The following AJAP1 variants were observed in gnomAD, a reference collection of about 807,000 sequenced individuals.
AJAP1 encodes the protein adherens junction-associated protein 1.
Under a neutral mutation model 35.0 loss-of-function variants are expected in AJAP1, and 5 were observed. That is an observed-to-expected ratio of 0.14 (90% CI 0.07 to 0.30). AJAP1 has a LOEUF of 0.30. Ranked by LOEUF, AJAP1 falls within the 10% of genes least tolerant of loss-of-function variation. The pLI, the probability that AJAP1 is intolerant of heterozygous loss-of-function variation, is 1.00. For synonymous variants in AJAP1, 284 were observed against 249.3 expected (o/e 1.14, Z -1.31); for missense variants, 586 against 571.0 (o/e 1.03, Z -0.27).
chr1:4,787,950 A>T lies in AJAP1; in HGVS notation c.*5465A>T, dbSNP rs1642195128. On this transcript the variant is annotated 3_prime_UTR_variant, in exon 6 of 6. Transcript: ENST00000378191. ...CATGCCGTGATTCATGTAATTTTTGAGTGGTTACTTTGGTGCAGTTTGTCA... is the reference window on the plus strand; with the variant it reads ...CATGCCGTGATTCATGTAATTTTTGTGTGGTTACTTTGGTGCAGTTTGTCA... 1 of 331,986 alleles carries T rather than the reference A, an allele frequency of 3.0e-6. No homozygotes were observed. The highest frequency in any genetic ancestry group is 2.3e-5 in the South Asian group (1 of 44,396). 20.6% of individuals were successfully genotyped at this position (331,986 alleles called of 1,614,324 possible).
At chr1:4,735,494 C>T (rs1025263194) in intron 2 of AJAP1, among the ~76,000 whole-genome samples, 6 of 152,160 alleles carry the variant, frequency 3.9e-5, no homozygotes, top group South Asian at 2.1e-4. Context: ...CCCACTGCAC[C>T]GGGTGGGCAG....
intron 1 of AJAP1, among the ~76,000 whole-genome samples, chr1:4,701,566 G>T (rs1333977021): frequency 6.6e-6 from 1 of 152,182 alleles, no homozygotes; most frequent in East Asian, 1.9e-4. Flanking sequence ...CGGCCCTCTG[G>T]TCTTTTGTGG....
chr1:4,771,353 A>G (rs1040714789), intron 3 of AJAP1, among the ~76,000 whole-genome samples: 3 of 152,216 alleles, frequency 2.0e-5, no homozygotes, highest in African/African-American at 7.2e-5. Flanking sequence ...AACGCAGGAA[A>G]TAGCCAAGAC....
intron 2 of AJAP1, among the ~76,000 whole-genome samples, chr1:4,727,427 G>A (rs1170266350): frequency 6.6e-6 from 1 of 152,228 alleles, no homozygotes; most frequent in Non-Finnish European, 1.5e-5. Flanking sequence ...GGCGTTGACT[G>A]CACAGGCACG....
intron 2 of AJAP1, among the ~76,000 whole-genome samples, chr1:4,749,378 C>T (rs72638900): frequency 0.082 from 12,468 of 152,254 alleles, 548 homozygotes; most frequent in Middle Eastern, 0.12. Flanking sequence ...ATCAAGACAG[C>T]GTTCCTTCCA....
In AJAP1 at chr1:4,712,083, A is replaced by C. The variant is rs1340498512; in HGVS notation, c.213A>C (p.Pro71=). The change falls in exon 2 of 6, where the codon CCA becomes CCC. Residue 71 remains proline, a synonymous_variant. Transcript: ENST00000378191. ...TGTGGAGTTTTAGGAGTGGACAGCC[A>C]GCGCGGGTCCCGGCCCCGGTGTGGA... ...PRLWSFRSGQ[P]ARVPAPVWSP... is the part of the protein sequence containing the mutation. The C allele has an allele frequency of 5.7e-6, 9 of 1,567,764 alleles. No homozygotes were observed. The highest frequency in any genetic ancestry group is 1.4e-5 in the African/African-American group (1 of 71,824).
At chr1:4,708,422 A>C (rs1404292649) in intron 1 of AJAP1, among the ~76,000 whole-genome samples, 1 of 152,068 alleles carries the variant, frequency 6.6e-6, no homozygotes, top group Non-Finnish European at 1.5e-5. Context: ...GTCGCCTGCC[A>C]TCTTGGTGCA....
chr1:4,711,934 G>A lies in AJAP1; in HGVS notation c.64G>A (p.Gly22Arg), dbSNP rs747676999. 3.3e-6 allele frequency: 5 copies of A among 1,535,128 alleles called. No homozygotes were observed. The South Asian group carries it at 3.8e-5, about 12-fold the overall frequency. ...CATCCGCTGGCCGGGCCGCCCCCTC[G>A]GAAGCCATGCCTGGATACTGATAGC... The part of the protein sequence containing the change: ...MSIRWPGRPL[G>R]SHAWILIAMF... Residue 22 changes from glycine to arginine, a missense_variant, in exon 2 of 6, where the codon GGA becomes AGA. Coordinates refer to ENST00000378191, the MANE Select transcript of AJAP1 (RefSeq NM_018836.4).
intron 1 of AJAP1, among the ~76,000 whole-genome samples, chr1:4,664,060 A>C (rs1639062662): frequency 6.6e-6 from 1 of 152,098 alleles, no homozygotes; most frequent in Non-Finnish European, 1.5e-5. Context: ...ATCTTAACTC[A>C]TTCCTACATT....
In AJAP1 at chr1:4,723,367, G is replaced by A. The variant is rs915492371; in HGVS notation, c.829+10668G>A. Among the ~76,000 whole-genome samples, 5 of 152,190 alleles carry A rather than the reference G, an allele frequency of 3.3e-5. No individual in the cohort carries two copies. The highest frequency in any genetic ancestry group is 1.9e-4 in the East Asian group (1 of 5,192). ...GTGCAGCCCGGAGTAGAAGCTCAGCGGAGCCTCGGGTGTGTGGAAGGTCTG... is the reference window on the plus strand; with the variant it reads ...GTGCAGCCCGGAGTAGAAGCTCAGCAGAGCCTCGGGTGTGTGGAAGGTCTG... On this transcript the variant is annotated intron_variant, in intron 2 of 5. Transcript: ENST00000378191. The surrounding 1 kb of genome is among the most constrained non-coding windows in gnomAD (Gnocchi z 4.3).
At position 4,696,902 on chromosome 1, in the gene AJAP1, CTG is replaced by C. The variant is rs528455852; in HGVS notation, c.30-14994_30-14993del. Among the ~76,000 whole-genome samples the C allele has an allele frequency of 4.7e-3, 713 of 151,880 alleles. 5 individuals are homozygous for C. The highest frequency in any genetic ancestry group is 0.016 in the African/African-American group (670 of 41,392). ...ACCTGTGTTCCATGTGTGCATATGA[CTG>C]TGTACATGCATGCATGTTCTGTGTG... On this transcript the variant is annotated intron_variant, in intron 1 of 5. Transcript: ENST00000378191.
At chr1:4,768,754 C>A (rs374839956) in intron 2 of AJAP1, among the ~76,000 whole-genome samples, 1 of 152,310 alleles carries the variant, frequency 6.6e-6, no homozygotes. Flanking sequence ...CCCTCACTGC[C>A]TTGATCTTCC....
chr1:4,741,018 A>ACAAAG (rs1224660074), intron 2 of AJAP1, among the ~76,000 whole-genome samples: 2 of 152,142 alleles, frequency 1.3e-5, no homozygotes, highest in Non-Finnish European at 2.9e-5. Flanking sequence ...CTCTGCAACT[A>ACAAAG]CAAAGTCTCG....
In AJAP1 at chr1:4,692,533, G is replaced by A. The variant is rs1034234792; in HGVS notation, c.30-19367G>A. Among the ~76,000 whole-genome samples the A allele has an allele frequency of 6.6e-6, 1 of 152,224 alleles. No homozygotes were observed. The highest frequency in any genetic ancestry group is 2.4e-5 in the African/African-American group (1 of 41,458). On this transcript the variant is annotated intron_variant, in intron 1 of 5. Coordinates refer to ENST00000378191, the MANE Select transcript of AJAP1 (RefSeq NM_018836.4). This position sits in a 1 kb window ranked among gnomAD's most constrained non-coding sequence, Gnocchi z 4.4. ...ATCCGGGAGGAACTTCCTGGGAAAAGAGAAAAATAGCTCAGCCCCAGCCTG... is the reference window on the plus strand; with the variant it reads ...ATCCGGGAGGAACTTCCTGGGAAAAAAGAAAAATAGCTCAGCCCCAGCCTG...
At chr1:4,718,729 C>T (rs535495949) in intron 2 of AJAP1, among the ~76,000 whole-genome samples, 14 of 152,168 alleles carry the variant, frequency 9.2e-5, no homozygotes, top group Non-Finnish European at 1.8e-4. Flanking sequence ...GATCCACCTG[C>T]CTCAGCCTCC....
intron 2 of AJAP1, among the ~76,000 whole-genome samples, chr1:4,728,676 C>T (rs1031395884): frequency 5.3e-5 from 8 of 152,100 alleles, no homozygotes; most frequent in African/African-American, 1.9e-4. Flanking sequence ...ACTGCAGAGC[C>T]CAGGGGTCCG....
intron 1 of AJAP1, among the ~76,000 whole-genome samples, chr1:4,660,435 A>C (rs1265997546): frequency 6.6e-6 from 1 of 151,740 alleles, no homozygotes; most frequent in Non-Finnish European, 1.5e-5. Flanking sequence ...CTGTTATATT[A>C]TTGTATTGTC....
chr1:4,655,441 C>G lies in AJAP1; in HGVS notation c.16C>G (p.Leu6Val), dbSNP rs757084449. The G allele has an allele frequency of 2.5e-6, 4 of 1,571,564 alleles. No individual in the cohort carries two copies. Among genetic ancestry groups the G allele is most frequent in the Non-Finnish European group, 8.6e-7 (1 of 1,159,254 alleles). MWIQQ[L>V]LGLSSMSIRW... is the part of the protein sequence containing the mutation. ...AAACGTGACCATGTGGATTCAACAG[C>G]TTTTAGGACTCAGGTGAGCGACCCG... Residue 6 changes from leucine to valine, a missense_variant, in exon 1 of 6, where the codon CTT becomes GTT. Physicochemically the swap from Leu to Val is conservative, Grantham distance 32. Transcript: ENST00000378191. The surrounding 1 kb of genome is among the most constrained non-coding windows in gnomAD (Gnocchi z 6.9).
chr1:4,753,841 G>A (rs1182964598), intron 2 of AJAP1, among the ~76,000 whole-genome samples: 4 of 152,172 alleles, frequency 2.6e-5, no homozygotes, highest in African/African-American at 9.7e-5. Flanking sequence ...CAAAGTGCTG[G>A]GATTACAGGC....
Sources: allele counts gnomAD v4.1 joint callset (sites outside exome capture counted in the v4.1 genomes callset), GRCh38; gene constraint gnomAD v4.1.1; non-coding constraint Gnocchi (gnomAD v3.1); transcripts MANE v1.5; gene names NCBI Gene and HGNC (gene_info 2026-07-23, HGNC 2026-07-21).